The following NMNAT2 variants were observed in gnomAD, a reference collection of about 807,000 sequenced individuals.
NMNAT2 encodes the protein nicotinamide nucleotide adenylyltransferase 2, also known as nicotinamide/nicotinic acid mononucleotide adenylyltransferase 2.
In NMNAT2, 11 loss-of-function variants were observed where a neutral mutation model predicts 41.6. The observed-to-expected ratio is 0.26, with a 90% CI of 0.17 to 0.44. The LOEUF (loss-of-function observed/expected upper bound fraction) is 0.44, where lower values mean the gene tolerates loss of function less well. Among genes scored for constraint, NMNAT2 ranks in the 20% least tolerant of loss-of-function variants. The pLI is 1.00. For synonymous variants in NMNAT2, 148 were observed against 151.2 expected (o/e 0.98, Z 0.16); for missense variants, 288 against 407.7 (o/e 0.71, Z 2.53).
chr1:183,309,175 T>C (rs1662056548), intron 1 of NMNAT2, among the ~76,000 whole-genome samples: 1 of 152,142 alleles, frequency 6.6e-6, no homozygotes, highest in South Asian at 2.1e-4. Flanking sequence ...AATTTTTAAA[T>C]TTTTTGTAGA....
intron 10 of NMNAT2, among the ~76,000 whole-genome samples, chr1:183,260,762 T>G (rs1660635830): frequency 7.1e-6 from 1 of 140,426 alleles, no homozygotes; most frequent in Non-Finnish European, 1.5e-5. Flanking sequence ...GGGGTTGCAG[T>G]GAGCTGAGAT....
At chr1:183,310,095 G>C (rs984297949) in intron 1 of NMNAT2, among the ~76,000 whole-genome samples, 1 of 152,188 alleles carries the variant, frequency 6.6e-6, no homozygotes, top group Non-Finnish European at 1.5e-5. Flanking sequence ...TTTACAGAGA[G>C]AGCAGTTTTA....
chr1:183,260,487 T>G (rs2050699), intron 10 of NMNAT2, among the ~76,000 whole-genome samples: 37,296 of 152,092 alleles, frequency 0.25, 5,212 homozygotes, highest in East Asian at 0.36. Flanking sequence ...CTTTAAAGCA[T>G]CTAAGACTAG....
chr1:183,411,242 ACT>A lies in NMNAT2; in HGVS notation c.85+6939_85+6940del, dbSNP rs566267229. Among the ~76,000 whole-genome samples, 25 of 152,034 alleles carry A rather than the reference ACT, an allele frequency of 1.6e-4. No homozygotes were observed. The East Asian group carries it at 4.4e-3, about 27-fold the overall frequency. On this transcript the variant is annotated intron_variant, in intron 1 of 10. Coordinates refer to ENST00000287713, the MANE Select transcript of NMNAT2 (RefSeq NM_015039.4). Reference sequence around the variant, plus strand: ...CATCAATAGCCATAGAGCCTTCCTGACTCTATCATTCCTGGCAGTAAGTCTAC... The same window carrying A: ...CATCAATAGCCATAGAGCCTTCCTGACTATCATTCCTGGCAGTAAGTCTAC...
At chr1:183,253,904 CGTGT>C (rs139756017) in intron 10 of NMNAT2, among the ~76,000 whole-genome samples, 10,924 of 144,226 alleles carry the variant, frequency 0.076, 588 homozygotes, top group East Asian at 0.35. Flanking sequence ...GTTCCACTTC[CGTGT>C]GTGTGTGTGT....
chr1:183,254,382 C>G (rs1021263646), intron 10 of NMNAT2, among the ~76,000 whole-genome samples: 1 of 152,032 alleles, frequency 6.6e-6, no homozygotes, highest in African/African-American at 2.4e-5. Context: ...ATTTTTATGT[C>G]ATCTCTGGAG....
chr1:183,373,865 G>A (rs1196746314), intron 1 of NMNAT2, among the ~76,000 whole-genome samples: 2 of 152,044 alleles, frequency 1.3e-5, no homozygotes, highest in Admixed American at 6.6e-5. Context: ...TGATCTGCCC[G>A]CCTCAGCCTC....
intron 7 of NMNAT2, among the ~76,000 whole-genome samples, chr1:183,281,195 A>T (rs567131406): frequency 6.6e-6 from 1 of 152,256 alleles, no homozygotes; most frequent in South Asian, 2.1e-4. Context: ...GTCAACAGGG[A>T]ATGTGCTGGC....
intron 1 of NMNAT2, among the ~76,000 whole-genome samples, chr1:183,294,727 T>C (rs1661636617): frequency 1.3e-5 from 2 of 152,060 alleles, no homozygotes; most frequent in Admixed American, 1.3e-4. Flanking sequence ...GCAGCAGAGA[T>C]TGCAGTGAGC....
At chr1:183,316,486 T>C (rs922698335) in intron 1 of NMNAT2, among the ~76,000 whole-genome samples, 6 of 152,154 alleles carry the variant, frequency 3.9e-5, no homozygotes, top group Non-Finnish European at 7.4e-5. Context: ...TTCATGTCTG[T>C]GGAGATCAGA....
intron 1 of NMNAT2, among the ~76,000 whole-genome samples, chr1:183,343,937 T>C (rs1418295015): frequency 6.6e-6 from 1 of 152,108 alleles, no homozygotes; most frequent in Non-Finnish European, 1.5e-5. Flanking sequence ...ATCCCTACTT[T>C]CTTTAAACTG....
At chr1:183,290,919 C>T (rs555398498) in intron 3 of NMNAT2, among the ~76,000 whole-genome samples, 25 of 152,130 alleles carry the variant, frequency 1.6e-4, no homozygotes, top group Non-Finnish European at 3.5e-4. Context: ...TAATTGCCAA[C>T]TTAATGATTT....
chr1:183,298,619 A>C (rs1661766553), intron 1 of NMNAT2, among the ~76,000 whole-genome samples: 2 of 152,218 alleles, frequency 1.3e-5, no homozygotes, highest in African/African-American at 4.8e-5. Context: ...CTTTATTCCC[A>C]TATGCACTGT....
intron 1 of NMNAT2, among the ~76,000 whole-genome samples, chr1:183,340,093 T>C (rs1571607533): frequency 6.6e-6 from 1 of 152,330 alleles, no homozygotes; most frequent in East Asian, 1.9e-4. Context: ...CCAATCAGCC[T>C]TGCAAGGGCC....
intron 1 of NMNAT2, among the ~76,000 whole-genome samples, chr1:183,371,782 T>C (rs918628984): frequency 6.6e-6 from 1 of 152,098 alleles, no homozygotes; most frequent in African/African-American, 2.4e-5. Context: ...TTGTTTGTTT[T>C]TTGTTTGTTT....
At chr1:183,402,034 C>T (rs1411021762) in intron 1 of NMNAT2, among the ~76,000 whole-genome samples, 1 of 151,780 alleles carries the variant, frequency 6.6e-6, no homozygotes, top group Non-Finnish European at 1.5e-5. Context: ...CAAACCTGCA[C>T]GTTGTGCACA....
chr1:183,321,430 A>T (rs1386042052), intron 1 of NMNAT2, among the ~76,000 whole-genome samples: 1 of 152,202 alleles, frequency 6.6e-6, no homozygotes, highest in East Asian at 1.9e-4. Flanking sequence ...TTTAGTCTGT[A>T]AGGTATTTGA....
At chr1:183,302,787 A>G (rs751725522) in intron 1 of NMNAT2, among the ~76,000 whole-genome samples, 34 of 151,986 alleles carry the variant, frequency 2.2e-4, no homozygotes, top group Non-Finnish European at 2.9e-4. Context: ...CAGAACCACA[A>G]TCACATCTTT....
chr1:183,315,286 A>G (rs1662219969), intron 1 of NMNAT2, among the ~76,000 whole-genome samples: 1 of 152,264 alleles, frequency 6.6e-6, no homozygotes, highest in South Asian at 2.1e-4. Flanking sequence ...TAAAGGGTCA[A>G]TTGATATCTC....
Sources: gnomAD v4.1 joint callset for allele counts (sites outside exome capture counted in the v4.1 genomes callset) on GRCh38, gnomAD v4.1.1 for gene constraint, MANE v1.5 for transcripts, NCBI Gene and HGNC (gene_info 2026-07-23, HGNC 2026-07-21) for gene names.